Variants in ACAD9 observed in about 807,000 individuals in gnomAD.
The protein encoded by ACAD9 is complex I assembly factor ACAD9, mitochondrial.
A neutral mutation model predicts 70.2 loss-of-function variants in ACAD9; 53 were observed. The ratio of observed to expected loss-of-function variants is 0.75; its 90% confidence interval spans 0.61 to 0.95. The LOEUF (loss-of-function observed/expected upper bound fraction) is 0.95. Among genes scored for constraint, ACAD9 ranks in the 40% least tolerant of loss-of-function variants. The pLI is 0.00. For missense variants in ACAD9, 777 were observed against 802.8 expected (o/e 0.97, Z 0.39); for synonymous variants, 313 against 312.1 (o/e 1.00, Z -0.03).
At chr3:128,909,990 G>A (rs906843659) in intron 15 of ACAD9, 31 bp from the exon 16 acceptor site, 5 of 1,611,038 alleles carry the variant, frequency 3.1e-6, no homozygotes, top group Non-Finnish European at 4.2e-6. Flanking sequence ...TCTAGGTAGT[G>A]AGTCCCCACT....
chr3:128,908,086 TG>T, intron 12 of ACAD9, 98 bp from the exon 13 acceptor site: 1 of 1,158,128 alleles, frequency 8.6e-7, no homozygotes. Flanking sequence ...TTTGTGGCAA[TG>T]GGCAAGCAGG....
intron 3 of ACAD9, among the ~76,000 whole-genome samples, chr3:128,894,676 C>CA (rs1408264984): frequency 6.6e-6 from 1 of 151,794 alleles, no homozygotes; most frequent in Admixed American, 6.6e-5. Context: ...GCTGGGACTA[C>CA]AGGCGTGCGC....
At chr3:128,894,413 G>A (rs1455159809) in intron 3 of ACAD9, among the ~76,000 whole-genome samples, 1 of 152,054 alleles carries the variant, frequency 6.6e-6, no homozygotes, top group East Asian at 1.9e-4. Context: ...TAATTGATTC[G>A]ATGTGTGTGT....
rs538909809 is a variant in ACAD9 at position 128,897,768 on chromosome 3, G to T, written c.633+58G>T. On this transcript the variant is annotated intron_variant, in intron 6 of 17. Transcript: ENST00000308982. Reference sequence around the variant, plus strand: ...CTCAGTCACAACCTTCACTGCCACTGAGTGAGCACTCTCCACACACCAGGG... The same window carrying T: ...CTCAGTCACAACCTTCACTGCCACTTAGTGAGCACTCTCCACACACCAGGG... The T allele has an allele frequency of 3.9e-5, 57 of 1,459,078 alleles. No homozygotes were observed. In the East Asian group the frequency reaches 1.2e-3, roughly 30 times the overall value. 90.4% of individuals were successfully genotyped at this position (1,459,078 alleles called of 1,614,324 possible).
In ACAD9 at chr3:128,910,122, C is replaced by A. The variant is rs1030645883; in HGVS notation, c.1665C>A (p.Arg555=). The part of the protein sequence containing the change: ...AVLSRASRSI[R]IGLRNHDHEV... ...TGTCGCGGGCCAGCCGCTCCATCCG[C>A]ATTGGGCTCCGCAACCACGACCACG... The change falls in exon 16 of 18, where the codon CGC becomes CGA. Residue 555 remains arginine (R), a synonymous_variant. Coordinates refer to ENST00000308982, the MANE Select transcript of ACAD9 (RefSeq NM_014049.5). 6.2e-7 allele frequency: 1 copy of A among 1,613,952 alleles called. No individual in the cohort carries two copies. The highest frequency in any genetic ancestry group is 1.7e-5 in the Admixed American group (1 of 60,006).
At chr3:128,888,520 A>G (rs2107644666) in intron 2 of ACAD9, among the ~76,000 whole-genome samples, 1 of 152,218 alleles carries the variant, frequency 6.6e-6, no homozygotes, top group African/African-American at 2.4e-5. Context: ...TGGAGGTTGT[A>G]TTGAGCTGGG....
rs16852190 is a variant in ACAD9, at chr3:128,910,489, G to A, written c.1693-252G>A. Among the ~76,000 whole-genome samples, 21,789 of 152,186 alleles carry A rather than the reference G, an allele frequency of 0.14. 1,628 individuals are homozygous for A. Among genetic ancestry groups the A allele is most frequent in the Middle Eastern group, 0.16 (48 of 294 alleles). ...CCAGGATCTCTGCCTGCACTTTCCAGAGCACCTGCAGATACCAGGATTGTG... is the reference window on the plus strand; with the variant it reads ...CCAGGATCTCTGCCTGCACTTTCCAAAGCACCTGCAGATACCAGGATTGTG... On this transcript the variant is annotated intron_variant, in intron 16 of 17. Transcript: ENST00000308982.
At chr3:128,884,999 G>T (rs778088124) in intron 2 of ACAD9, among the ~76,000 whole-genome samples, 6 of 152,178 alleles carry the variant, frequency 3.9e-5, no homozygotes, top group Non-Finnish European at 7.3e-5. Context: ...CTTCCATAAA[G>T]CTATAATAAA....
chr3:128,879,746 G>A lies in ACAD9; in HGVS notation c.55G>A (p.Gly19Ser). The change falls in exon 1 of 18, where the codon GGT becomes AGT. Residue 19 changes from glycine (G) to serine (S), a missense_variant. Transcript: ENST00000308982. Reference protein sequence around the residue: ...RTTAAARACRGLVVSTANRRL... With the variant: ...RTTAAARACRSLVVSTANRRL... ...CACGGCTGCGGCTCGTGCCTGCCGG[G>A]GTCTGGTGGTCTCTACCGCGAACCG... 1 of 1,613,300 alleles carries A rather than the reference G, an allele frequency of 6.2e-7. No individual in the cohort carries two copies. The highest frequency in any genetic ancestry group is 8.5e-7 in the Non-Finnish European group (1 of 1,179,992).
chr3:128,902,246 C>T lies in ACAD9; in HGVS notation c.883-307C>T, dbSNP rs1233191127. Among the ~76,000 whole-genome samples the T allele has an allele frequency of 1.3e-5, 2 of 152,154 alleles. No homozygotes were observed. Among genetic ancestry groups the T allele is most frequent in the Non-Finnish European group, 1.5e-5 (1 of 68,036 alleles). On this transcript the variant is annotated intron_variant, in intron 8 of 17. Coordinates refer to ENST00000308982, the MANE Select transcript of ACAD9 (RefSeq NM_014049.5). The surrounding 1 kb of genome is among the most constrained non-coding windows in gnomAD (Gnocchi z 4.0). ...CCTAAAAGTAGAATTTCTGTTTGGC[C>T]CAAGTTGGTCTTGAACTCCTGGGCT...
intron 1 of ACAD9, among the ~76,000 whole-genome samples, chr3:128,884,254 G>A (rs1001183242): frequency 8.5e-5 from 13 of 152,188 alleles, no homozygotes; most frequent in Non-Finnish European, 1.9e-4. Context: ...CATGTTATGG[G>A]TGAGAAAGGG....
chr3:128,899,522 CGGTGTGTGTGTGTGTGTG>C (rs1935674683), intron 7 of ACAD9, 61 bp downstream of exon 7: 2 of 1,146,294 alleles, frequency 1.7e-6, no homozygotes, highest in African/African-American at 2.3e-5. Context: ...TGGCCTTTGA[CGGTGTGTGTGTGTGTGTG>C]TGTGTGTGTG....
chr3:128,908,731 C>T (rs1469274822), intron 13 of ACAD9: 1 of 602,812 alleles, frequency 1.7e-6, no homozygotes, highest in Non-Finnish European at 2.9e-6. Flanking sequence ...TCACAGGAGA[C>T]AGCTGCTGGG....
chr3:128,896,614 T>A (rs1252931468), intron 5 of ACAD9, 78 bp downstream of exon 5: 1 of 1,428,264 alleles, frequency 7.0e-7, no homozygotes, highest in African/African-American at 1.4e-5. Context: ...GGCTGTTGGT[T>A]TTGTTGAGTA....
chr3:128,882,638 G>A (rs1359718162), intron 1 of ACAD9, among the ~76,000 whole-genome samples: 1 of 152,162 alleles, frequency 6.6e-6, no homozygotes, highest in Non-Finnish European at 1.5e-5. Context: ...GCAGGGATGG[G>A]TGGGAAGTTG....
At chr3:128,908,582 TCA>T (rs1935983644) in intron 13 of ACAD9, 1 of 555,886 alleles carries the variant, frequency 1.8e-6, no homozygotes, top group Non-Finnish European at 3.2e-6. Context: ...GTGCCAGGCC[TCA>T]CAGCCAACAT....
At chr3:128,906,085 C>G in intron 11 of ACAD9, 36 bp from the exon 12 acceptor site, 2 of 1,614,002 alleles carry the variant, frequency 1.2e-6, no homozygotes, top group African/African-American at 2.7e-5. Context: ...AGCGTAGGTC[C>G]TCCTTTTGGA....
chr3:128,906,247 G>C lies in ACAD9; in HGVS notation c.1276G>C (p.Glu426Gln). 6.2e-7 allele frequency: 1 copy of C among 1,613,980 alleles called. No individual in the cohort carries two copies. The highest frequency in any genetic ancestry group is 8.5e-7 in the Non-Finnish European group (1 of 1,180,012). Reference protein sequence around the residue: ...LRDTRILLIFEGTNEILRMYI... With the variant: ...LRDTRILLIFQGTNEILRMYI... ...TGACACCCGCATCCTCCTCATCTTC[G>C]AGGTGAGTGGCCCCGCCACCAGCTA... Residue 426 changes from glutamate (E) to glutamine (Q), a missense_variant and splice_region_variant, in exon 12 of 18, where the codon GAG becomes CAG. Transcript: ENST00000308982.
chr3:128,909,893 G>A, intron 15 of ACAD9, 128 bp from the exon 16 acceptor site: 1 of 1,296,872 alleles, frequency 7.7e-7, no homozygotes, highest in Non-Finnish European at 1.1e-6. Flanking sequence ...TGAAGAGAAA[G>A]GTGTTATTGA....
Sources: gnomAD v4.1 joint callset for allele counts (sites outside exome capture counted in the v4.1 genomes callset) on GRCh38, gnomAD v4.1.1 for gene constraint, Gnocchi (gnomAD v3.1) non-coding constraint, MANE v1.5 for transcripts, NCBI Gene and HGNC (gene_info 2026-07-23, HGNC 2026-07-21) for gene names.